The following SGCZ variants were observed in gnomAD, a reference collection of about 807,000 sequenced individuals.
SGCZ encodes the protein zeta-sarcoglycan.
SGCZ carries 40 observed loss-of-function variants against 41.3 expected under a neutral mutation model. The ratio of observed to expected loss-of-function variants is 0.97; its 90% CI spans 0.75 to 1.26. The LOEUF (loss-of-function observed/expected upper bound fraction) is 1.26, where lower values mean the gene tolerates loss of function less well. SGCZ is among the 50% of genes most tolerant of loss of function. SGCZ has a pLI of 0.00. For synonymous variants in SGCZ, 206 were observed against 137.5 expected (o/e 1.50, Z -3.49); for missense variants, 552 against 369.8 (o/e 1.49, Z -4.04).
intron 2 of SGCZ, among the ~76,000 whole-genome samples, chr8:14,486,887 T>G (rs1379804948): frequency 6.6e-6 from 1 of 152,256 alleles, no homozygotes; most frequent in Non-Finnish European, 1.5e-5. Flanking sequence ...AGTATTAGCA[T>G]ACATCTCTCA....
At chr8:14,952,271 A>C (rs997901186) in intron 1 of SGCZ, among the ~76,000 whole-genome samples, 1 of 152,120 alleles carries the variant, frequency 6.6e-6, no homozygotes, top group Non-Finnish European at 1.5e-5. Flanking sequence ...GTTAGACAGT[A>C]TTACTCTGGC....
At chr8:14,788,994 G>A (rs887558990) in intron 1 of SGCZ, among the ~76,000 whole-genome samples, 3 of 152,064 alleles carry the variant, frequency 2.0e-5, no homozygotes, top group Admixed American at 6.6e-5. Context: ...TGTTTTATAT[G>A]TCCTTCTGTT....
intron 1 of SGCZ, among the ~76,000 whole-genome samples, chr8:14,770,008 C>T (rs999652075): frequency 1.3e-5 from 2 of 151,676 alleles, no homozygotes; most frequent in East Asian, 1.9e-4. Flanking sequence ...ATATACCATG[C>T]TCCCTTGTGT....
At chr8:14,990,362 C>T (rs1309627320) in intron 1 of SGCZ, among the ~76,000 whole-genome samples, 2 of 149,126 alleles carry the variant, frequency 1.3e-5, no homozygotes, top group Non-Finnish European at 3.0e-5. Flanking sequence ...TGTTAGGAAC[C>T]AGGCCGCATA....
intron 1 of SGCZ, among the ~76,000 whole-genome samples, chr8:15,114,603 T>C (rs893598092): frequency 6.6e-6 from 1 of 152,180 alleles, no homozygotes; most frequent in Non-Finnish European, 1.5e-5. Context: ...GAGCTGTGCT[T>C]ATTGTTAGAA....
At position 15,163,767 on chromosome 8, in the gene SGCZ, G is replaced by A. The variant is rs531403140; in HGVS notation, c.39+73818C>T. Among the ~76,000 whole-genome samples the A allele has an allele frequency of 9.2e-5, 14 of 152,260 alleles. No individual in the cohort carries two copies. The South Asian group carries it at 2.9e-3, about 32-fold the overall frequency. On this transcript the variant is annotated intron_variant, in intron 1 of 7. Coordinates refer to ENST00000382080, the MANE Select transcript of SGCZ (RefSeq NM_139167.4). ...TTTACAGCAATTTGCCCTTTAATAA[G>A]TAAAATATGACAAGCAAAGGTTTAG... is the stretch of plus-strand genomic sequence containing the variant.
intron 1 of SGCZ, among the ~76,000 whole-genome samples, chr8:15,230,808 T>A (rs1801917133): frequency 6.6e-6 from 1 of 152,162 alleles, no homozygotes; most frequent in African/African-American, 2.4e-5. Flanking sequence ...TGTTAGGTTG[T>A]TTCGAAGACA....
chr8:14,338,664 A>G (rs188394578), intron 2 of SGCZ, among the ~76,000 whole-genome samples: 1 of 152,346 alleles, frequency 6.6e-6, no homozygotes, highest in Non-Finnish European at 1.5e-5. Context: ...TCATTAAAAT[A>G]TGCATCTACT....
chr8:14,261,309 C>T (rs902302226), intron 3 of SGCZ, among the ~76,000 whole-genome samples: 2 of 151,976 alleles, frequency 1.3e-5, no homozygotes, highest in South Asian at 2.1e-4. Context: ...TAGAATGATG[C>T]TTATTAAAAT....
intron 5 of SGCZ, among the ~76,000 whole-genome samples, chr8:14,110,927 C>A (rs1802351876): frequency 6.6e-6 from 1 of 151,884 alleles, no homozygotes; most frequent in Admixed American, 6.6e-5. Context: ...CATGGTGGTG[C>A]ACAGTAGTCC....
At chr8:15,134,412 C>A (rs887508316) in intron 1 of SGCZ, among the ~76,000 whole-genome samples, 10 of 151,792 alleles carry the variant, frequency 6.6e-5, no homozygotes, top group African/African-American at 2.4e-4. Context: ...AAGCTATATG[C>A]CCAAGGGTAC....
intron 1 of SGCZ, among the ~76,000 whole-genome samples, chr8:14,856,439 T>C (rs1156661629): frequency 6.6e-5 from 10 of 151,458 alleles, no homozygotes; most frequent in Non-Finnish European, 1.3e-4. Context: ...CTATCACATA[T>C]TCAAACTATT....
intron 1 of SGCZ, among the ~76,000 whole-genome samples, chr8:15,200,754 T>C (rs1281807310): frequency 6.6e-6 from 1 of 152,152 alleles, no homozygotes; most frequent in Non-Finnish European, 1.5e-5. Flanking sequence ...CAATATCATT[T>C]AGAGATGAGG....
intron 2 of SGCZ, among the ~76,000 whole-genome samples, chr8:14,368,682 A>G (rs1803801932): frequency 6.6e-6 from 1 of 151,570 alleles, no homozygotes; most frequent in Non-Finnish European, 1.5e-5. Flanking sequence ...TGCATTCCTT[A>G]TGATGGTAAA....
At chr8:15,199,213 TAAC>T (rs1261318594) in intron 1 of SGCZ, among the ~76,000 whole-genome samples, 1 of 152,184 alleles carries the variant, frequency 6.6e-6, no homozygotes, top group Non-Finnish European at 1.5e-5. Flanking sequence ...TTCATTAACT[TAAC>T]AAACATTTCT....
At chr8:14,711,024 C>A (rs992969985) in intron 1 of SGCZ, among the ~76,000 whole-genome samples, 23 of 151,868 alleles carry the variant, frequency 1.5e-4, no homozygotes, top group African/African-American at 5.1e-4. Flanking sequence ...ACATATATAC[C>A]CTTTTAATGA....
chr8:14,709,201 C>G (rs1480873667), intron 1 of SGCZ, among the ~76,000 whole-genome samples: 1 of 152,130 alleles, frequency 6.6e-6, no homozygotes, highest in Non-Finnish European at 1.5e-5. Flanking sequence ...CAATCAGCAG[C>G]AGAGATTATC....
intron 2 of SGCZ, among the ~76,000 whole-genome samples, chr8:14,504,510 T>C (rs2117059390): frequency 6.6e-6 from 1 of 152,332 alleles, no homozygotes; most frequent in East Asian, 1.9e-4. Flanking sequence ...TTATTTATAT[T>C]TGTCATAGAC....
intron 1 of SGCZ, among the ~76,000 whole-genome samples, chr8:15,234,368 T>C (rs1454177768): frequency 6.6e-6 from 1 of 152,200 alleles, no homozygotes; most frequent in Non-Finnish European, 1.5e-5. Flanking sequence ...TTTTTTGATG[T>C]TTCTTCTTTA....
Sources: gnomAD v4.1 joint callset for allele counts (sites outside exome capture counted in the v4.1 genomes callset) on GRCh38, gnomAD v4.1.1 for gene constraint, MANE v1.5 for transcripts, NCBI Gene and HGNC (gene_info 2026-07-23, HGNC 2026-07-21) for gene names.